ATP11A: variants seen among roughly 807,000 people sequenced by gnomAD.
ATP11A encodes the protein ATPase phospholipid transporting 11A.
In ATP11A, 81 loss-of-function variants were observed where a neutral mutation model predicts 154.4. The ratio of observed to expected loss-of-function variants is 0.52; its 90% CI spans 0.44 to 0.63. ATP11A has a LOEUF of 0.63. ATP11A is among the 30% of genes least tolerant of loss of function. ATP11A has a pLI of 0.00. For missense variants in ATP11A, 1,316 were observed against 1,474.3 expected, an observed-to-expected ratio of 0.89 and a Z score of 1.76; for synonymous variants, 623 against 585.9, an observed-to-expected ratio of 1.06 and a Z score of -0.91.
Position 112,804,946 on chromosome 13 carries a change from C to T in ATP11A, c.163-11C>T, listed in dbSNP as rs369899066. On this transcript the variant is annotated splice_polypyrimidine_tract_variant and intron_variant, in intron 2 of 29. Transcript: ENST00000375645. ...ATCTCAATGATGGATGTTTGTTTTT[C>T]TTTTATGCAGTACACATTTTGGAAC... is the stretch of plus-strand genomic sequence containing the variant. 173 of 1,560,516 alleles carry T rather than the reference C, an allele frequency of 1.1e-4. 1 individual carries two copies. The African/African-American group carries it at 1.8e-3, about 16-fold the overall frequency.
intron 17 of ATP11A, among the ~76,000 whole-genome samples, chr13:112,847,916 C>T (rs2140314197): frequency 6.6e-6 from 1 of 152,216 alleles, no homozygotes; most frequent in Admixed American, 6.5e-5. Context: ...CAAGACCCTG[C>T]CTCTACAAAA....
chr13:112,769,398 G>A lies in ATP11A; in HGVS notation c.40-15737G>A, dbSNP rs555829008. Among the ~76,000 whole-genome samples, 573 of 152,366 alleles carry A rather than the reference G, an allele frequency of 3.8e-3. 6 individuals are homozygous for A. Among genetic ancestry groups the A allele is most frequent in the African/African-American group, 0.013 (559 of 41,602 alleles). Reference sequence around the variant, plus strand: ...AGTGGCTTGTGACTCTCTGCCCGCTGCGTTTGGGGGTGAACTGAAGGAGCC... The same window carrying A: ...AGTGGCTTGTGACTCTCTGCCCGCTACGTTTGGGGGTGAACTGAAGGAGCC... On this transcript the variant is annotated intron_variant, in intron 1 of 29. Coordinates refer to ENST00000375645, the MANE Select transcript of ATP11A (RefSeq NM_015205.3).
At position 112,725,199 on chromosome 13, in the gene ATP11A, G is replaced by A. The variant is rs375728367; in HGVS notation, c.39+34744G>A. 3.9e-3 allele frequency among the ~76,000 whole-genome samples: 595 copies of A among 152,332 alleles called. 3 individuals carry two copies. The highest frequency in any genetic ancestry group is 0.014 in the African/African-American group (567 of 41,578). On this transcript the variant is annotated intron_variant, in intron 1 of 29. Transcript: ENST00000375645. ...GGGAGCTGACTCAGGCTCGGGCTGG[G>A]CTCAAGGCAGTGGGGTGGGGACAGA...
chr13:112,739,862 G>A (rs1393155860), intron 1 of ATP11A, among the ~76,000 whole-genome samples: 1 of 152,158 alleles, frequency 6.6e-6, no homozygotes, highest in Non-Finnish European at 1.5e-5. Context: ...GCTAAGTGAA[G>A]GAAGCTAGAA....
chr13:112,784,526 C>CT (rs535110994), intron 1 of ATP11A, among the ~76,000 whole-genome samples: 7,980 of 140,768 alleles, frequency 0.057, 277 homozygotes, highest in Admixed American at 0.083. Flanking sequence ...ACGTTCTGTT[C>CT]TTTTTTTTTT....
chr13:112,820,550 A>G (rs947140316), intron 8 of ATP11A, among the ~76,000 whole-genome samples: 1 of 152,252 alleles, frequency 6.6e-6, no homozygotes, highest in Non-Finnish European at 1.5e-5. Flanking sequence ...AGCGACCCTC[A>G]GACACCTCAT....
intron 2 of ATP11A, among the ~76,000 whole-genome samples, chr13:112,787,052 ATTCACACCGG>A (rs1460426062): frequency 6.8e-6 from 1 of 146,126 alleles, no homozygotes; most frequent in African/African-American, 2.6e-5. Context: ...TACCTACTTA[ATTCACACCGG>A]GTGTCCTGAT....
chr13:112,869,524 T>A (rs897934243), intron 25 of ATP11A, among the ~76,000 whole-genome samples: 3 of 152,222 alleles, frequency 2.0e-5, no homozygotes, highest in African/African-American at 7.2e-5. Flanking sequence ...TGACACACAC[T>A]GCTTCACAGG....
chr13:112,718,837 A>AT lies in ATP11A; in HGVS notation c.39+28391dup, dbSNP rs200179768. Among the ~76,000 whole-genome samples the AT allele has an allele frequency of 5.6e-3, 844 of 151,142 alleles. 7 individuals are homozygous for AT. The highest frequency in any genetic ancestry group is 0.018 in the African/African-American group (758 of 41,242). ...AGTTGCACGCCAACACTCCCAGCTA[A>AT]TTTTTTTTTCTTTTGTATTTTTAGT... On this transcript the variant is annotated intron_variant, in intron 1 of 29. Coordinates refer to ENST00000375645, the MANE Select transcript of ATP11A (RefSeq NM_015205.3).
intron 1 of ATP11A, among the ~76,000 whole-genome samples, chr13:112,751,570 G>T (rs2139813377): frequency 6.6e-6 from 1 of 152,164 alleles, no homozygotes; most frequent in East Asian, 1.9e-4. Flanking sequence ...TGAGGCATGA[G>T]AATCACTTGA....
chr13:112,805,206 G>C (rs747381908), intron 3 of ATP11A, among the ~76,000 whole-genome samples, 160 bp downstream of exon 3: 3 of 148,494 alleles, frequency 2.0e-5, no homozygotes, highest in Non-Finnish European at 4.5e-5. Flanking sequence ...AAAATGTCTT[G>C]GTTCTGTGAG....
intron 1 of ATP11A, among the ~76,000 whole-genome samples, chr13:112,780,377 G>T (rs902926151): frequency 6.6e-6 from 1 of 151,834 alleles, no homozygotes; most frequent in Non-Finnish European, 1.5e-5. Flanking sequence ...CCCAGCCCCC[G>T]GCAGCCCCCG....
intron 1 of ATP11A, among the ~76,000 whole-genome samples, chr13:112,774,611 C>T (rs1043664017): frequency 1.3e-5 from 2 of 152,226 alleles, no homozygotes; most frequent in African/African-American, 4.8e-5. Flanking sequence ...TAAAGCAGCC[C>T]TGAAAGACAT....
intron 25 of ATP11A, among the ~76,000 whole-genome samples, chr13:112,871,457 G>A (rs570148991): frequency 5.3e-5 from 8 of 152,300 alleles, no homozygotes; most frequent in Non-Finnish European, 1.2e-4. Context: ...AGCGTCAGGA[G>A]CGGGCAGCAA....
intron 16 of ATP11A, among the ~76,000 whole-genome samples, chr13:112,840,519 TC>T (rs1325176474): frequency 6.1e-4 from 28 of 46,142 alleles, no homozygotes; most frequent in African/African-American, 1.9e-3. Context: ...CACTTTCTCA[TC>T]CCCCCCCAGC....
At chr13:112,698,443 C>T (rs1338537303) in intron 1 of ATP11A, among the ~76,000 whole-genome samples, 2 of 152,144 alleles carry the variant, frequency 1.3e-5, no homozygotes, top group African/African-American at 2.4e-5. Context: ...TCCCATGGTG[C>T]GTTTGTTTGT....
intron 25 of ATP11A, among the ~76,000 whole-genome samples, chr13:112,866,489 C>A (rs1274538328): frequency 6.6e-6 from 1 of 151,430 alleles, no homozygotes; most frequent in Non-Finnish European, 1.5e-5. Flanking sequence ...GTGTGGGAGG[C>A]CCGGTGGGGC....
At chr13:112,751,104 C>G (rs971771098) in intron 1 of ATP11A, among the ~76,000 whole-genome samples, 31 of 152,336 alleles carry the variant, frequency 2.0e-4, no homozygotes, top group African/African-American at 6.5e-4. Context: ...TGGGACCGCC[C>G]TTTTCTCACT....
Position 112,754,617 on chromosome 13 carries a change from A to G in ATP11A, c.40-30518A>G. 1 of 153,084 alleles carries G rather than the reference A, an allele frequency of 6.5e-6. No homozygotes were observed. Among genetic ancestry groups the G allele is most frequent in the Non-Finnish European group, 1.5e-5 (1 of 68,814 alleles). The allele number at this position is 153,084 out of a possible 1,614,324, so 9.5% of individuals were successfully genotyped here. On this transcript the variant is annotated intron_variant, in intron 1 of 29. Coordinates refer to ENST00000375645, the MANE Select transcript of ATP11A (RefSeq NM_015205.3). This position sits in a 1 kb window ranked among gnomAD's most constrained non-coding sequence, Gnocchi z 5.3. ...TCAGGCCACCTTCAGGGCCTCCTGG[A>G]GAGGTTGAGCCCCAGACTCCTGGGA...
Sources: gnomAD v4.1 joint callset for allele counts (sites outside exome capture counted in the v4.1 genomes callset) on GRCh38, gnomAD v4.1.1 for gene constraint, Gnocchi (gnomAD v3.1) non-coding constraint, MANE v1.5 for transcripts, NCBI Gene and HGNC (gene_info 2026-07-23, HGNC 2026-07-21) for gene names.